Variants in NEBL observed in about 807,000 individuals in gnomAD.
The protein encoded by NEBL is LIM and SH3 protein 2.
In NEBL, 122 loss-of-function variants were observed where a neutral mutation model predicts 140.2. That is an observed-to-expected ratio of 0.87 (90% CI 0.75 to 1.01). The LOEUF is 1.01. Among genes scored for constraint, NEBL ranks in the 50% least tolerant of loss-of-function variants. The probability of loss-of-function intolerance (pLI) is 0.00; values close to 1 mark genes in which losing one functional copy is unlikely to be tolerated. For synonymous variants in NEBL, 436 were observed against 398.9 expected (o/e 1.09, Z -1.11); for missense variants, 1,365 against 1,231.3 (o/e 1.11, Z -1.62).
intron 3 of NEBL, among the ~76,000 whole-genome samples, chr10:21,009,858 C>A (rs1838268730): frequency 2.0e-5 from 3 of 152,142 alleles, no homozygotes; most frequent in South Asian, 4.1e-4. Context: ...TAGATAATTT[C>A]TGCTTAAAAT....
chr10:21,150,874 T>C (rs941571788), intron 2 of NEBL, among the ~76,000 whole-genome samples: 1 of 152,214 alleles, frequency 6.6e-6, no homozygotes, highest in African/African-American at 2.4e-5. Context: ...TCTTCAACCC[T>C]GGCTGAAGAA....
In NEBL at chr10:20,980,523, A is replaced by G. The variant is rs552105609; in HGVS notation, c.250-18744T>C. 3.9e-5 allele frequency among the ~76,000 whole-genome samples: 6 copies of G among 152,326 alleles called. No homozygotes were observed. In the South Asian group the frequency reaches 8.3e-4, roughly 21 times the overall value. On this transcript the variant is annotated intron_variant, in intron 3 of 6. Transcript: ENST00000417816. ...ACAATCGTTGGTTAAGGTCATGTAC[A>G]TATATAGCGTGCATGGTACAAACAG...
intron 3 of NEBL, among the ~76,000 whole-genome samples, chr10:21,241,415 T>C (rs1456934571): frequency 6.6e-6 from 1 of 152,164 alleles, no homozygotes; most frequent in Non-Finnish European, 1.5e-5. Flanking sequence ...GTGGCTGTTC[T>C]GCTTCCTGTA....
At chr10:21,178,427 T>A (rs1485728569), upstream of NEBL, among the ~76,000 whole-genome samples, 1 of 152,160 alleles carries the variant, frequency 6.6e-6, no homozygotes, top group Non-Finnish European at 1.5e-5. Context: ...CTACTCTAGA[T>A]ACCATGGAAG....
chr10:21,275,509 C>G (rs1842909775), intron 1 of NEBL, among the ~76,000 whole-genome samples: 1 of 152,214 alleles, frequency 6.6e-6, no homozygotes, highest in Non-Finnish European at 1.5e-5. Context: ...GGTTTTCCTC[C>G]TCTCTGTTTT....
intron 2 of NEBL, among the ~76,000 whole-genome samples, chr10:21,028,783 A>G (rs1194411586): frequency 6.6e-6 from 1 of 152,174 alleles, no homozygotes; most frequent in Non-Finnish European, 1.5e-5. Context: ...TTTAAAAAAA[A>G]AAATGAAGAC....
chr10:20,800,247 T>A (rs1018551756), intron 26 of NEBL, among the ~76,000 whole-genome samples: 8 of 152,102 alleles, frequency 5.3e-5, no homozygotes, highest in Admixed American at 1.3e-4. Context: ...GTCTGGCTTA[T>A]TTCACTTAGT....
chr10:21,288,826 A>G (rs377102897), intron 1 of NEBL, among the ~76,000 whole-genome samples: 6,880 of 66,528 alleles, frequency 0.1, 611 homozygotes, highest in Admixed American at 0.14. Context: ...GTGTGTATAT[A>G]TATATATATA....
At chr10:20,960,176 T>A (rs563404736) in intron 4 of NEBL, among the ~76,000 whole-genome samples, 1 of 152,112 alleles carries the variant, frequency 6.6e-6, no homozygotes, top group Non-Finnish European at 1.5e-5. Context: ...AATTCAGTGA[T>A]TGTTGAAGAT....
chr10:21,169,067 A>AATATATATATATATATAT (rs1176763018), intron 2 of NEBL, among the ~76,000 whole-genome samples: 8 of 23,062 alleles, frequency 3.5e-4, no homozygotes, highest in Non-Finnish European at 6.1e-4. Flanking sequence ...AAAAAAAAAA[A>AATATATATATATATATAT]ATATATATAT....
chr10:21,187,029 T>C (rs1390239084), intron 3 of NEBL, among the ~76,000 whole-genome samples: 1 of 149,670 alleles, frequency 6.7e-6, no homozygotes, highest in African/African-American at 2.5e-5. Context: ...TGTGTGTGTG[T>C]ATACATATGT....
chr10:20,831,746 T>G (rs566356207), intron 14 of NEBL, among the ~76,000 whole-genome samples, 163 bp from the exon 15 acceptor site: 3 of 152,256 alleles, frequency 2.0e-5, no homozygotes, highest in South Asian at 4.1e-4. Context: ...GTGGTAGGAA[T>G]ACGACTTAGT....
rs545277188 is a variant in NEBL, at chr10:20,984,259, A to G, written c.250-22480T>C. On this transcript the variant is annotated intron_variant, in intron 3 of 6. Transcript: ENST00000417816. ...TTCCACCATCATTGTAAAACAAACT[A>G]TCGTGATGTTATCTCAACTTAATAA... Among the ~76,000 whole-genome samples, 4 of 152,322 alleles carry G rather than the reference A, an allele frequency of 2.6e-5. No homozygotes were observed. The East Asian group carries it at 7.7e-4, about 29-fold the overall frequency.
At chr10:21,281,554 T>C (rs1308618639) in intron 1 of NEBL, among the ~76,000 whole-genome samples, 1 of 152,004 alleles carries the variant, frequency 6.6e-6, no homozygotes, top group South Asian at 2.1e-4. Context: ...GGGTAAAATG[T>C]GCAGAGTTCC....
rs12269702 is a variant in NEBL, at chr10:20,912,406, G to A, written c.357+49266C>T. On this transcript the variant is annotated intron_variant, in intron 4 of 6. Transcript: ENST00000417816. The stretch of plus-strand genomic sequence containing the variant: ...GTTCAGGCTGCAATGCGCTACGATC[G>A]TGCCACTGCACTCCAGCCTGGGTGA... 8.4e-3 allele frequency among the ~76,000 whole-genome samples: 1,286 copies of A among 152,282 alleles called. 12 individuals are homozygous for A. Among genetic ancestry groups the A allele is most frequent in the African/African-American group, 0.03 (1,231 of 41,562 alleles).
chr10:21,185,465 T>A (rs1364381760), intron 3 of NEBL, among the ~76,000 whole-genome samples: 1 of 150,734 alleles, frequency 6.6e-6, no homozygotes, highest in African/African-American at 2.4e-5. Context: ...TTTCGACTTC[T>A]CTTTCGGTTC....
At chr10:21,005,031 A>C (rs891965705) in intron 3 of NEBL, among the ~76,000 whole-genome samples, 14 of 152,104 alleles carry the variant, frequency 9.2e-5, no homozygotes, top group African/African-American at 3.1e-4. Flanking sequence ...CACCCAAACA[A>C]ATTCTTAGGT....
At chr10:21,192,947 C>T (rs1841596651) in intron 3 of NEBL, among the ~76,000 whole-genome samples, 1 of 152,048 alleles carries the variant, frequency 6.6e-6, no homozygotes, top group African/African-American at 2.4e-5. Context: ...ATGAGAGTCC[C>T]TAGAAAGACT....
At chr10:20,828,432 C>T in intron 17 of NEBL, 98 bp downstream of exon 17, 2 of 773,446 alleles carry the variant, frequency 2.6e-6, no homozygotes, top group South Asian at 1.5e-5. Context: ...GAAAATTCAA[C>T]TAAGACAGCA....
Sources: gnomAD v4.1 joint callset for allele counts (sites outside exome capture counted in the v4.1 genomes callset) on GRCh38, gnomAD v4.1.1 for gene constraint, MANE v1.5 for transcripts, NCBI Gene and HGNC (gene_info 2026-07-23, HGNC 2026-07-21) for gene names.